The following LTBP1 variants were observed in gnomAD, a reference collection of about 807,000 sequenced individuals.
LTBP1 encodes latent-transforming growth factor beta-binding protein 1.
LTBP1 carries 129 observed loss-of-function variants against 207.6 expected under a neutral mutation model. The ratio of observed to expected loss-of-function variants is 0.62; its 90% CI spans 0.54 to 0.72. The LOEUF is 0.72. Among genes scored for constraint, LTBP1 ranks in the 30% least tolerant of loss-of-function variants. The probability of loss-of-function intolerance (pLI) is 0.00; values close to 1 mark genes in which losing one functional copy is unlikely to be tolerated. For synonymous variants in LTBP1, 963 were observed against 833.7 expected (o/e 1.16, Z -2.67); for missense variants, 2,281 against 2,217.2 (o/e 1.03, Z -0.58).
chr2:33,295,752 C>T (rs1399491058), intron 20 of LTBP1, among the ~76,000 whole-genome samples: 2 of 151,988 alleles, frequency 1.3e-5, no homozygotes, highest in Non-Finnish European at 2.9e-5. Flanking sequence ...AATAAGTAAA[C>T]ATTTTCTTCT....
At chr2:32,983,296 T>C (rs1487197894) in intron 2 of LTBP1, among the ~76,000 whole-genome samples, 1 of 152,138 alleles carries the variant, frequency 6.6e-6, no homozygotes, top group African/African-American at 2.4e-5. Flanking sequence ...TTGAAATGGG[T>C]GTATTTACCC....
chr2:33,120,221 G>A (rs1558662027), intron 4 of LTBP1, among the ~76,000 whole-genome samples: 1 of 149,258 alleles, frequency 6.7e-6, no homozygotes, highest in Non-Finnish European at 1.5e-5. Flanking sequence ...AGGGGTACAT[G>A]TGAAAGTTTG....
chr2:33,087,084 C>CTTTTGTTTTTTTTTTT (rs2078804296), intron 3 of LTBP1, among the ~76,000 whole-genome samples: 1 of 89,026 alleles, frequency 1.1e-5, no homozygotes. Flanking sequence ...CTCCTTTATG[C>CTTTTGTTTTTTTTTTT]TTTTTTTTTT....
intron 7 of LTBP1, among the ~76,000 whole-genome samples, chr2:33,210,878 A>G (rs2090259508): frequency 6.6e-6 from 1 of 152,190 alleles, no homozygotes; most frequent in African/African-American, 2.4e-5. Context: ...GCCTAAACAC[A>G]GTCCTACTTA....
chr2:32,974,117 A>G (rs116506061), intron 2 of LTBP1, among the ~76,000 whole-genome samples: 4,394 of 152,326 alleles, frequency 0.029, 210 homozygotes, highest in African/African-American at 0.099. Context: ...GTGTATACCC[A>G]GAAATGGGAT....
chr2:33,139,110 G>T (rs893037225), intron 5 of LTBP1, among the ~76,000 whole-genome samples: 1 of 151,734 alleles, frequency 6.6e-6, no homozygotes, highest in African/African-American at 2.4e-5. Context: ...CGCCCGCCTC[G>T]GCCTCCCAAA....
At position 33,021,015 on chromosome 2, in the gene LTBP1, G is replaced by A; in HGVS notation, c.672G>A (p.Gln224=). The change falls in exon 3 of 34, where the codon CAG becomes CAA. Residue 224 remains glutamine (Q), a synonymous_variant. Transcript: ENST00000404816. ...KGKACETIAA[Q]DTSSPVFGGQ... Reference sequence around the variant, plus strand: ...AAGCCTGTGAAACAATAGCTGCCCAGGACACCTCGTCACCAGTCTTTGGAG... The same window carrying A: ...AAGCCTGTGAAACAATAGCTGCCCAAGACACCTCGTCACCAGTCTTTGGAG... The A allele has an allele frequency of 6.2e-7, 1 of 1,614,036 alleles. No homozygotes were observed. The highest frequency in any genetic ancestry group is 8.5e-7 in the Non-Finnish European group (1 of 1,179,976).
chr2:33,034,010 A>C (rs2075806291), intron 3 of LTBP1, among the ~76,000 whole-genome samples: 1 of 152,190 alleles, frequency 6.6e-6, no homozygotes, highest in African/African-American at 2.4e-5. Context: ...CCTGGGGGAC[A>C]GGAGAGCAGA....
chr2:33,068,451 C>T (rs187479613), intron 3 of LTBP1, among the ~76,000 whole-genome samples: 4 of 152,176 alleles, frequency 2.6e-5, no homozygotes, highest in Non-Finnish European at 4.4e-5. Flanking sequence ...TCATCATCAT[C>T]GTCCAGAGTC....
At chr2:33,082,103 C>A (rs1365369155) in intron 3 of LTBP1, among the ~76,000 whole-genome samples, 2 of 152,140 alleles carry the variant, frequency 1.3e-5, no homozygotes, top group African/African-American at 4.8e-5. Flanking sequence ...GTGATTAGGC[C>A]GTGAGGGTTT....
intron 15 of LTBP1, among the ~76,000 whole-genome samples, chr2:33,265,550 A>G (rs1431661783): frequency 1.3e-5 from 2 of 152,236 alleles, no homozygotes; most frequent in African/African-American, 4.8e-5. Context: ...TTATTGAAAT[A>G]TAGCAGGAAG....
At chr2:33,352,773 T>A (rs2094799510) in intron 26 of LTBP1, among the ~76,000 whole-genome samples, 2 of 152,162 alleles carry the variant, frequency 1.3e-5, no homozygotes, top group South Asian at 4.1e-4. Context: ...GAAGTCCAAA[T>A]GCATTAGCAG....
At chr2:33,300,245 C>T (rs982051461) in intron 20 of LTBP1, among the ~76,000 whole-genome samples, 2 of 152,060 alleles carry the variant, frequency 1.3e-5, no homozygotes, top group Non-Finnish European at 2.9e-5. Context: ...GATTTATTGT[C>T]TATTTTTAGT....
intron 18 of LTBP1, among the ~76,000 whole-genome samples, chr2:33,279,413 G>A (rs780787653): frequency 7.9e-5 from 12 of 152,048 alleles, no homozygotes; most frequent in Admixed American, 1.3e-4. Flanking sequence ...AATATGAAAA[G>A]TAAGGTGTAT....
chr2:32,990,635 T>G (rs531687399), intron 2 of LTBP1, among the ~76,000 whole-genome samples: 5 of 152,370 alleles, frequency 3.3e-5, no homozygotes, highest in African/African-American at 1.2e-4. Flanking sequence ...TAATGAATGT[T>G]TGATAAACTG....
At chr2:33,306,038 C>T (rs555468525) in intron 22 of LTBP1, among the ~76,000 whole-genome samples, 43 of 152,144 alleles carry the variant, frequency 2.8e-4, no homozygotes, top group Admixed American at 2.5e-3. Context: ...TCGCACTACC[C>T]CAGGTGGTGG....
chr2:33,124,400 A>C (rs2081323231), intron 4 of LTBP1, among the ~76,000 whole-genome samples: 1 of 150,454 alleles, frequency 6.6e-6, no homozygotes, highest in African/African-American at 2.5e-5. Flanking sequence ...ATAGAACAAG[A>C]CTCCGTCTCA....
Position 32,947,332 on chromosome 2 carries a change from G to A in LTBP1, c.8G>A (p.Gly3Glu). MA[G>E]AWLRWGLLLW... ...CGCCCGCTGGGGCCCGCGATGGCGG[G>A]GGCCTGGCTCAGGTGGGGGCTCCTG... The change falls in exon 1 of 34, where the codon GGG (glycine) becomes GAG (glutamate). Residue 3 changes from glycine (G) to glutamate (E), a missense_variant. Coordinates refer to ENST00000404816, the MANE Select transcript of LTBP1 (RefSeq NM_206943.4). 2.4e-6 allele frequency: 3 copies of A among 1,240,104 alleles called. No individual in the cohort carries two copies. The highest frequency in any genetic ancestry group is 6.5e-5 in the South Asian group (2 of 30,704). 76.8% of individuals were successfully genotyped at this position (1,240,104 alleles called of 1,614,324 possible). A position where few individuals can be genotyped will look rare whatever the true frequency, so the allele number is the denominator to read the frequency against.
chr2:33,221,938 G>T (rs1453219680), intron 8 of LTBP1, 142 bp from the exon 9 acceptor site: 5 of 526,908 alleles, frequency 9.5e-6, no homozygotes, highest in Admixed American at 3.0e-5. Flanking sequence ...AAAAATTATG[G>T]AGATATACAT....
Sources: allele counts gnomAD v4.1 joint callset (sites outside exome capture counted in the v4.1 genomes callset), GRCh38; gene constraint gnomAD v4.1.1; transcripts MANE v1.5; gene names NCBI Gene and HGNC (gene_info 2026-07-23, HGNC 2026-07-21).